The following RBFOX1 variants were observed in gnomAD, a reference collection of about 807,000 sequenced individuals.
RBFOX1 encodes RNA binding protein fox-1 homolog 1.
A neutral mutation model predicts 57.7 loss-of-function variants in RBFOX1; 8 were observed. The observed-to-expected ratio is 0.14, with a 90% CI of 0.08 to 0.25. The LOEUF (loss-of-function observed/expected upper bound fraction) is 0.25. Among genes scored for constraint, RBFOX1 ranks in the 10% least tolerant of loss-of-function variants. The probability of loss-of-function intolerance (pLI) is 1.00; values close to 1 mark genes in which losing one functional copy is unlikely to be tolerated. For synonymous variants in RBFOX1, 326 were observed against 222.4 expected, an observed-to-expected ratio of 1.47 and a Z score of -4.15; for missense variants, 611 against 548.5, an observed-to-expected ratio of 1.11 and a Z score of -1.14.
chr16:6,595,426 T>G (rs567758314), intron 2 of RBFOX1, among the ~76,000 whole-genome samples: 2 of 152,350 alleles, frequency 1.3e-5, no homozygotes, highest in Admixed American at 6.5e-5. Context: ...TTACGTTATA[T>G]AAATATACGA....
intron 3 of RBFOX1, among the ~76,000 whole-genome samples, chr16:5,812,304 G>T (rs2055461952): frequency 6.6e-6 from 1 of 152,194 alleles, no homozygotes. Context: ...GTAGCTAGAA[G>T]TAGAAAGGCT....
At chr16:5,658,725 C>G (rs1001318752) in intron 3 of RBFOX1, among the ~76,000 whole-genome samples, 1 of 133,984 alleles carries the variant, frequency 7.5e-6, no homozygotes, top group East Asian at 2.2e-4. Context: ...ATCATACATA[C>G]ATACATATAT....
chr16:7,539,404 C>T (rs1431389485), intron 5 of RBFOX1, among the ~76,000 whole-genome samples: 2 of 152,128 alleles, frequency 1.3e-5, no homozygotes. Context: ...AGTGCAGCTT[C>T]CTCACCACTC....
intron 1 of RBFOX1, among the ~76,000 whole-genome samples, chr16:5,240,285 C>T (rs997417339): frequency 6.6e-6 from 1 of 152,010 alleles, no homozygotes; most frequent in Admixed American, 6.5e-5. Context: ...GCTGCCCCTT[C>T]TCGGCTGTGT....
At chr16:7,417,371 T>G in intron 4 of RBFOX1, among the ~76,000 whole-genome samples, 1 of 29,026 alleles carries the variant, frequency 3.4e-5, no homozygotes, top group African/African-American at 1.3e-4. Context: ...AGACTCTGTG[T>G]CAAAGAAAAA....
intron 3 of RBFOX1, among the ~76,000 whole-genome samples, chr16:6,957,042 C>T (rs2081990307): frequency 6.6e-6 from 1 of 150,458 alleles, no homozygotes; most frequent in Admixed American, 6.6e-5. Flanking sequence ...TAGGCATATT[C>T]CATCGGCAGA....
chr16:6,990,765 C>G (rs563276193), intron 3 of RBFOX1, among the ~76,000 whole-genome samples: 2 of 152,210 alleles, frequency 1.3e-5, no homozygotes, highest in South Asian at 2.1e-4. Context: ...CCATGTCCAT[C>G]TCAGGATAGT....
At chr16:7,202,710 G>A (rs1223295463) in intron 4 of RBFOX1, among the ~76,000 whole-genome samples, 2 of 152,166 alleles carry the variant, frequency 1.3e-5, no homozygotes, top group African/African-American at 2.4e-5. Flanking sequence ...AACTCTGCAT[G>A]TGAGGGATCT....
chr16:6,061,344 G>A (rs1023170169), intron 1 of RBFOX1, among the ~76,000 whole-genome samples: 2 of 152,054 alleles, frequency 1.3e-5, no homozygotes, highest in Admixed American at 6.6e-5. Flanking sequence ...GGGTGTAAGC[G>A]ACAAGTGGTC....
chr16:6,899,790 G>C (rs11860643), intron 3 of RBFOX1, among the ~76,000 whole-genome samples: 6,432 of 152,262 alleles, frequency 0.042, 446 homozygotes, highest in African/African-American at 0.15. Context: ...CATATTTGAA[G>C]TATGGACACC....
chr16:6,454,032 T>C lies in RBFOX1; in HGVS notation c.-64+136975T>C, dbSNP rs767121259. On this transcript the variant is annotated intron_variant, in intron 2 of 15. Coordinates refer to ENST00000550418, the MANE Select transcript of RBFOX1 (RefSeq NM_018723.4). The stretch of plus-strand genomic sequence containing the variant: ...TTGGTTGGTAGATGGCCGTCTTCTC[T>C]CTGGGTTTTCACATGGTCTTTCTGT... Among the ~76,000 whole-genome samples the C allele has an allele frequency of 1.4e-4, 22 of 152,224 alleles. 1 individual carries two copies. The highest frequency in any genetic ancestry group is 2.2e-4 in the Non-Finnish European group (15 of 68,044).
intron 4 of RBFOX1, among the ~76,000 whole-genome samples, chr16:5,994,564 T>C (rs906965346): frequency 1.3e-5 from 2 of 152,232 alleles, no homozygotes; most frequent in African/African-American, 4.8e-5. Context: ...TACACGAGCT[T>C]GGCAAGGTTC....
intron 1 of RBFOX1, among the ~76,000 whole-genome samples, chr16:6,265,355 A>C (rs1158009335): frequency 6.6e-6 from 1 of 151,854 alleles, no homozygotes; most frequent in East Asian, 1.9e-4. Flanking sequence ...TCTGCCTCCC[A>C]AGTTCAAGTG....
chr16:6,829,633 G>A (rs533522546), intron 3 of RBFOX1, among the ~76,000 whole-genome samples: 4 of 151,988 alleles, frequency 2.6e-5, no homozygotes, highest in South Asian at 2.1e-4. Flanking sequence ...ACGGAGTCTC[G>A]CTCTGTCACC....
intron 3 of RBFOX1, among the ~76,000 whole-genome samples, chr16:7,039,393 G>A (rs75433125): frequency 0.096 from 14,682 of 152,196 alleles, 1,170 homozygotes; most frequent in East Asian, 0.32. Context: ...GGAAAACATC[G>A]TGGGAGAGCT....
chr16:5,550,695 C>T (rs186155370), intron 2 of RBFOX1, among the ~76,000 whole-genome samples: 137 of 152,186 alleles, frequency 9.0e-4, no homozygotes, highest in African/African-American at 3.2e-3. Context: ...GCTCCCTGTC[C>T]CTGTGGCATT....
At chr16:7,348,028 C>T (rs13330100) in intron 4 of RBFOX1, among the ~76,000 whole-genome samples, 31,163 of 152,146 alleles carry the variant, frequency 0.2, 4,734 homozygotes, top group African/African-American at 0.43. Context: ...ATTTGGTTTT[C>T]GATTTAAGCT....
chr16:6,690,758 C>CTTTTTTTTTTTT (rs71145276), intron 3 of RBFOX1, among the ~76,000 whole-genome samples: 1 of 141,072 alleles, frequency 7.1e-6, no homozygotes, highest in African/African-American at 2.6e-5. Flanking sequence ...TTCTTTCTTT[C>CTTTTTTTTTTTT]TTTTTTTTTT....
intron 3 of RBFOX1, chr16:6,773,991 G>A (rs1388749063): frequency 1.0e-6 from 1 of 985,232 alleles, no homozygotes; most frequent in African/African-American, 1.7e-5. Context: ...AACTGAACCT[G>A]TAATTAGCTC....
Sources: allele counts gnomAD v4.1 joint callset (sites outside exome capture counted in the v4.1 genomes callset), GRCh38; gene constraint gnomAD v4.1.1; transcripts MANE v1.5; gene names NCBI Gene and HGNC (gene_info 2026-07-23, HGNC 2026-07-21).